The following SNTG1 variants were observed in gnomAD, a reference collection of about 807,000 sequenced individuals.
The protein encoded by SNTG1 is syntrophin gamma 1.
A neutral mutation model predicts 74.7 loss-of-function variants in SNTG1; 39 were observed. That is an observed-to-expected ratio of 0.52 (90% CI 0.40 to 0.68). The LOEUF (loss-of-function observed/expected upper bound fraction) is 0.68, where lower values mean the gene tolerates loss of function less well. SNTG1 is among the 30% of genes least tolerant of loss of function. SNTG1 has a pLI of 0.00. For missense variants in SNTG1, 685 were observed against 609.5 expected (o/e 1.12, Z -1.30); for synonymous variants, 254 against 217.1 (o/e 1.17, Z -1.49).
At chr8:50,783,188 T>C (rs995446304) in intron 18 of SNTG1, among the ~76,000 whole-genome samples, 3 of 152,180 alleles carry the variant, frequency 2.0e-5, no homozygotes, top group African/African-American at 7.2e-5. Flanking sequence ...TTCTCAGATC[T>C]CCAGCTGCCT....
chr8:50,649,886 T>C (rs1297162369), intron 13 of SNTG1, among the ~76,000 whole-genome samples: 1 of 151,966 alleles, frequency 6.6e-6, no homozygotes, highest in East Asian at 1.9e-4. Flanking sequence ...ATTTACAAAA[T>C]AATTTTGTTT....
At chr8:50,213,704 T>A (rs1044835123) in intron 2 of SNTG1, among the ~76,000 whole-genome samples, 1 of 151,836 alleles carries the variant, frequency 6.6e-6, no homozygotes, top group Admixed American at 6.6e-5. Context: ...TTTTCATGTG[T>A]TTTTTGGCTG....
intron 1 of SNTG1, among the ~76,000 whole-genome samples, chr8:50,014,222 G>A (rs907782128): frequency 1.3e-5 from 2 of 152,076 alleles, no homozygotes; most frequent in African/African-American, 4.8e-5. Context: ...TATCCCCAGA[G>A]CACAGTCAAT....
chr8:50,104,954 A>C (rs1331604798), intron 1 of SNTG1, among the ~76,000 whole-genome samples: 4 of 152,102 alleles, frequency 2.6e-5, no homozygotes, highest in South Asian at 2.1e-4. Context: ...TGTAGGATGC[A>C]GAATTTGCAA....
At chr8:50,109,545 T>G (rs538678003) in intron 1 of SNTG1, among the ~76,000 whole-genome samples, 1 of 152,178 alleles carries the variant, frequency 6.6e-6, no homozygotes, top group Non-Finnish European at 1.5e-5. Flanking sequence ...TAGCAAATGT[T>G]CATATGATAT....
intron 9 of SNTG1, among the ~76,000 whole-genome samples, chr8:50,516,979 A>G (rs557682638): frequency 6.6e-6 from 1 of 152,326 alleles, no homozygotes; most frequent in African/African-American, 2.4e-5. Flanking sequence ...GAGCAATCCC[A>G]AGACACATAG....
chr8:50,410,413 AT>A (rs1476931706), intron 4 of SNTG1, among the ~76,000 whole-genome samples: 1 of 152,224 alleles, frequency 6.6e-6, no homozygotes, highest in Non-Finnish European at 1.5e-5. Context: ...AAACTCTTGT[AT>A]GCCAATGTTA....
chr8:50,270,029 T>A (rs1044113219), intron 2 of SNTG1, among the ~76,000 whole-genome samples: 4 of 152,154 alleles, frequency 2.6e-5, no homozygotes, highest in Admixed American at 1.3e-4. Flanking sequence ...AAATAATTTT[T>A]AAAAAGATTT....
At position 50,787,019 on chromosome 8, in the gene SNTG1, TGA is replaced by T. The variant is rs1367567662; in HGVS notation, c.1396-5650_1396-5649del. ...TTTTCAAAATTTAAAGCACTTGTGC[TGA>T]GTAATACTATAAAAAAGGTGAAATA... is the stretch of plus-strand genomic sequence containing the variant. On this transcript the variant is annotated intron_variant, in intron 18 of 18. Transcript: ENST00000642720. 3.3e-5 allele frequency among the ~76,000 whole-genome samples: 5 copies of T among 152,002 alleles called. No individual in the cohort carries two copies. The East Asian group carries it at 9.7e-4, about 30-fold the overall frequency.
At chr8:50,721,479 G>A (rs2095487541) in intron 17 of SNTG1, among the ~76,000 whole-genome samples, 1 of 152,142 alleles carries the variant, frequency 6.6e-6, no homozygotes, top group Admixed American at 6.6e-5. Flanking sequence ...AAGAAGTGAT[G>A]ACTCAGAGCA....
chr8:50,364,433 C>T (rs964054304), intron 2 of SNTG1, among the ~76,000 whole-genome samples: 2 of 152,136 alleles, frequency 1.3e-5, no homozygotes, highest in South Asian at 4.1e-4. Context: ...CACACACTTA[C>T]TGTCATGGGC....
At chr8:50,126,473 T>A (rs769157979) in intron 1 of SNTG1, among the ~76,000 whole-genome samples, 3 of 152,132 alleles carry the variant, frequency 2.0e-5, no homozygotes, top group Non-Finnish European at 4.4e-5. Context: ...AAGAAATTAG[T>A]GTGCATTTTT....
chr8:50,068,999 A>T (rs1435140067), intron 1 of SNTG1, among the ~76,000 whole-genome samples: 1 of 152,208 alleles, frequency 6.6e-6, no homozygotes, highest in Non-Finnish European at 1.5e-5. Flanking sequence ...ACAAGCAAAA[A>T]ATCATATCTT....
chr8:50,403,546 A>G (rs1008142967), intron 4 of SNTG1, among the ~76,000 whole-genome samples: 1 of 152,228 alleles, frequency 6.6e-6, no homozygotes, highest in South Asian at 2.1e-4. Context: ...AGATCAAAAA[A>G]TAAAATCAGT....
At chr8:49,938,882 C>T (rs114964262) in intron 1 of SNTG1, among the ~76,000 whole-genome samples, 30 of 151,484 alleles carry the variant, frequency 2.0e-4, no homozygotes, top group African/African-American at 7.3e-4. Context: ...GAAATCTCAC[C>T]ATGTTGTTTC....
chr8:50,624,218 G>T (rs1399435013), intron 13 of SNTG1, among the ~76,000 whole-genome samples: 1 of 151,834 alleles, frequency 6.6e-6, no homozygotes, highest in African/African-American at 2.4e-5. Context: ...AGCTATGTTA[G>T]AGTAACCACT....
chr8:50,271,267 A>G (rs2087764610), intron 2 of SNTG1, among the ~76,000 whole-genome samples: 1 of 152,184 alleles, frequency 6.6e-6, no homozygotes, highest in Admixed American at 6.5e-5. Flanking sequence ...TGTAAGAATA[A>G]TGATAGTGAC....
chr8:50,557,236 AAACAGGATG>A (rs2094461537), intron 12 of SNTG1, among the ~76,000 whole-genome samples: 1 of 151,878 alleles, frequency 6.6e-6, no homozygotes, highest in African/African-American at 2.4e-5. Context: ...AAAAAAAAAA[AAACAGGATG>A]AAGACCCAGC....
At chr8:50,243,614 C>T (rs1474010894) in intron 2 of SNTG1, among the ~76,000 whole-genome samples, 1 of 152,064 alleles carries the variant, frequency 6.6e-6, no homozygotes, top group Non-Finnish European at 1.5e-5. Flanking sequence ...TAACACAACA[C>T]TTTTTGGGCC....
Sources: allele counts gnomAD v4.1 joint callset (sites outside exome capture counted in the v4.1 genomes callset), GRCh38; gene constraint gnomAD v4.1.1; transcripts MANE v1.5; gene names NCBI Gene and HGNC (gene_info 2026-07-23, HGNC 2026-07-21).